HOGA1: variants seen among roughly 807,000 people sequenced by gnomAD.
HOGA1 encodes the protein 4-hydroxy-2-oxoglutarate aldolase 1.
In HOGA1, 30 loss-of-function variants were observed where a neutral mutation model predicts 34.3. The ratio of observed to expected loss-of-function variants is 0.87; its 90% confidence interval spans 0.65 to 1.19. The LOEUF (loss-of-function observed/expected upper bound fraction) is 1.19, where lower values mean the gene tolerates loss of function less well. Among genes scored for constraint, HOGA1 ranks in the 50% most tolerant of loss-of-function variants. HOGA1 has a pLI of 0.00. For synonymous variants in HOGA1, 161 were observed against 174.0 expected (o/e 0.93, Z 0.59); for missense variants, 417 against 436.5 (o/e 0.96, Z 0.40).
chr10:97,588,278 A>G (rs1157348541), intron 1 of HOGA1, among the ~76,000 whole-genome samples: 3 of 149,348 alleles, frequency 2.0e-5, no homozygotes, highest in Non-Finnish European at 4.4e-5. Flanking sequence ...GCTTACTGCA[A>G]GCTCTGCCTT....
chr10:97,589,018 T>TG (rs1299835039), intron 1 of HOGA1, among the ~76,000 whole-genome samples: 2 of 151,986 alleles, frequency 1.3e-5, no homozygotes, highest in African/African-American at 2.4e-5. Context: ...TGCCTATTTA[T>TG]GGGGGGGCAA....
chr10:97,605,749 A>G (rs2041152326), intron 6 of HOGA1, among the ~76,000 whole-genome samples: 2 of 152,086 alleles, frequency 1.3e-5, no homozygotes, highest in East Asian at 1.9e-4. Context: ...TCAGTCAACT[A>G]TCTATATTTC....
chr10:97,611,608 C>T lies in HOGA1; in HGVS notation c.933C>T (p.Pro311=), dbSNP rs561984280. The change falls in exon 7 of 7, where the codon CCC becomes CCT. Residue 311 remains proline, a synonymous_variant. Transcript: ENST00000370646. ...GCGCCCCCTTGCAGGAGCTGAGCCCCGCTGAGGAGGAGGCACTGCGCATGG... is the reference window on the plus strand; with the variant it reads ...GCGCCCCCTTGCAGGAGCTGAGCCCTGCTGAGGAGGAGGCACTGCGCATGG... ...PCRAPLQELS[P]AEEEALRMDF... 17 of 1,614,160 alleles carry T rather than the reference C, an allele frequency of 1.1e-5. No homozygotes were observed. Among genetic ancestry groups the T allele is most frequent in the Middle Eastern group, 1.6e-4 (1 of 6,062 alleles).
chr10:97,602,739 G>A, intron 6 of HOGA1: 1 of 365,002 alleles, frequency 2.7e-6, no homozygotes. Flanking sequence ...AGGCTGGAGT[G>A]CAGCAATCTC....
Position 97,584,524 on chromosome 10 carries a change from C to A in HOGA1, c.-180C>A, listed in dbSNP as rs1373929533. 8.1e-6 allele frequency: 5 copies of A among 614,094 alleles called. No individual in the cohort carries two copies. The highest frequency in any genetic ancestry group is 1.4e-5 in the Non-Finnish European group (5 of 347,442). 38.0% of individuals were successfully genotyped at this position (614,094 alleles called of 1,614,324 possible). On this transcript the variant is annotated 5_prime_UTR_variant, in exon 1 of 7. Coordinates refer to ENST00000370646, the MANE Select transcript of HOGA1 (RefSeq NM_138413.4). ...CCAGAAGGAACAGGGCCCCCTGGGG[C>A]CTATAGGCCTTGCCCCTGACCCTGG...
At chr10:97,591,858 T>TGA (rs1554873406) in intron 1 of HOGA1, among the ~76,000 whole-genome samples, 5 of 147,356 alleles carry the variant, frequency 3.4e-5, no homozygotes, top group African/African-American at 1.0e-4. Flanking sequence ...TGTGTGTGTG[T>TGA]GACAGAGTCT....
rs778377512 is a variant in HOGA1 at position 97,600,129 on chromosome 10, A to G, written c.666A>G (p.Gly222=). ...TRKQDFQVLA[G]SAGFLMASYA... ...AGCAGGATTTTCAGGTGTTGGCTGGATCGGCTGGCTTTCTGATGGCCAGCT... is the reference window on the plus strand; with the variant it reads ...AGCAGGATTTTCAGGTGTTGGCTGGGTCGGCTGGCTTTCTGATGGCCAGCT... Residue 222 remains glycine, a synonymous_variant, in exon 5 of 7, where the codon GGA becomes GGG. Coordinates refer to ENST00000370646, the MANE Select transcript of HOGA1 (RefSeq NM_138413.4). 1.9e-6 allele frequency: 3 copies of G among 1,614,180 alleles called. No homozygotes were observed. The highest frequency in any genetic ancestry group is 2.2e-5 in the East Asian group (1 of 44,882).
In HOGA1 at chr10:97,611,516, C is replaced by G; in HGVS notation, c.841C>G (p.Arg281Gly). The G allele has an allele frequency of 6.2e-7, 1 of 1,614,174 alleles. No homozygotes were observed. The highest frequency in any genetic ancestry group is 8.5e-7 in the Non-Finnish European group (1 of 1,180,024). ...AACAGGCCCTGCTTTGCAGGTGACCCGGCGCTTTGGGATCCCAGGGCTGAA... is the reference window on the plus strand; with the variant it reads ...AACAGGCCCTGCTTTGCAGGTGACCGGGCGCTTTGGGATCCCAGGGCTGAA... ...RLIEPNAAVT[R>G]RFGIPGLKKI... is the part of the protein sequence containing the mutation. Residue 281 changes from arginine (R) to glycine (G), a missense_variant, in exon 7 of 7, where the codon CGG becomes GGG. Arg to Gly is a moderately radical substitution (Grantham distance 125, BLOSUM62 -2). Coordinates refer to ENST00000370646, the MANE Select transcript of HOGA1 (RefSeq NM_138413.4).
rs1198623422 is a variant in HOGA1 at position 97,603,156 on chromosome 10, C to T, written c.834+1166C>T. Among the ~76,000 whole-genome samples the T allele has an allele frequency of 6.6e-6, 1 of 152,178 alleles. No homozygotes were observed. Among genetic ancestry groups the T allele is most frequent in the African/African-American group, 2.4e-5 (1 of 41,446 alleles). On this transcript the variant is annotated intron_variant, in intron 6 of 6. Transcript: ENST00000370646. This position sits in a 1 kb window ranked among gnomAD's most constrained non-coding sequence, Gnocchi z 4.5. Reference sequence around the variant, plus strand: ...AGCTGGGATTACAGGCACGTGCCACCATACCCGGATAATTTTTTTGTATTT... The same window carrying T: ...AGCTGGGATTACAGGCACGTGCCACTATACCCGGATAATTTTTTTGTATTT...
chr10:97,602,027 G>GGT, intron 6 of HOGA1, 37 bp downstream of exon 6: 1 of 1,589,164 alleles, frequency 6.3e-7, no homozygotes, highest in East Asian at 2.3e-5. Context: ...CCTGGCGGGG[G>GGT]GTGGGCAGTC....
In HOGA1 at chr10:97,590,711, T is replaced by G; in HGVS notation, c.211+5797T>G. ...TGAGATGCTGTGCCCAAATCCCTAC[T>G]TTCTTAGGCTCCTCACGGGGATTAT... On this transcript the variant is annotated intron_variant, in intron 1 of 6. Transcript: ENST00000370646. 2.7e-6 allele frequency: 2 copies of G among 747,338 alleles called. 1 individual carries two copies. Among genetic ancestry groups the G allele is most frequent in the Non-Finnish European group, 4.4e-6 (2 of 454,134 alleles). 46.3% of individuals were successfully genotyped at this position (747,338 alleles called of 1,614,324 possible). A position where few individuals can be genotyped will look rare whatever the true frequency, so the allele number is the denominator to read the frequency against.
intron 1 of HOGA1, among the ~76,000 whole-genome samples, chr10:97,587,232 G>A (rs2040977705): frequency 2.0e-5 from 3 of 152,138 alleles, no homozygotes; most frequent in Non-Finnish European, 2.9e-5. Context: ...CCAACACTCA[G>A]GCTGAGGAGG....
At chr10:97,593,018 AGACTCTGTCT>A (rs2041038944) in intron 1 of HOGA1, among the ~76,000 whole-genome samples, 1 of 133,584 alleles carries the variant, frequency 7.5e-6, no homozygotes, top group African/African-American at 3.1e-5. Context: ...CGACAGAGTG[AGACTCTGTCT>A]CAAAAAAAAA....
chr10:97,593,948 A>T (rs1589905165), intron 1 of HOGA1, among the ~76,000 whole-genome samples: 1 of 152,132 alleles, frequency 6.6e-6, no homozygotes, highest in East Asian at 1.9e-4. Context: ...GGCTCACTGT[A>T]ACCTCTGCCT....
At position 97,611,586 on chromosome 10, in the gene HOGA1, C is replaced by T. The variant is rs757466556; in HGVS notation, c.911C>T (p.Ala304Val). ...GGCTACTATGGAGGCCCCTGCCGCG[C>T]CCCCTTGCAGGAGCTGAGCCCCGCT... ...WFGYYGGPCR[A>V]PLQELSPAEE... The change falls in exon 7 of 7, where the codon GCC becomes GTC. Residue 304 changes from alanine (A) to valine (V), a missense_variant. Physicochemically the swap from Ala to Val is moderately conservative, Grantham distance 64. Coordinates refer to ENST00000370646, the MANE Select transcript of HOGA1 (RefSeq NM_138413.4). 1.9e-6 allele frequency: 3 copies of T among 1,614,192 alleles called. No individual in the cohort carries two copies. Among genetic ancestry groups the T allele is most frequent in the Non-Finnish European group, 2.5e-6 (3 of 1,180,024 alleles).
intron 6 of HOGA1, chr10:97,602,268 A>G (rs2041125094): frequency 2.1e-6 from 3 of 1,414,454 alleles, no homozygotes; most frequent in Non-Finnish European, 9.4e-7. Context: ...ATGCATTGAA[A>G]CAAACATCCT....
chr10:97,599,550 G>A, intron 3 of HOGA1, 130 bp from the exon 4 acceptor site: 1 of 1,177,346 alleles, frequency 8.5e-7, no homozygotes, highest in Non-Finnish European at 1.3e-6. Context: ...GGGGCACGTA[G>A]CATGGGAGGG....
intron 1 of HOGA1, among the ~76,000 whole-genome samples, chr10:97,589,534 C>T (rs1589902007): frequency 6.6e-6 from 1 of 151,968 alleles, no homozygotes; most frequent in East Asian, 1.9e-4. Flanking sequence ...AGCCTGGGGA[C>T]AGCTGTCAGG....
chr10:97,591,789 T>C (rs2041025706), intron 1 of HOGA1, among the ~76,000 whole-genome samples: 1 of 135,588 alleles, frequency 7.4e-6, no homozygotes, highest in Non-Finnish European at 1.6e-5. Flanking sequence ...CACACCTGGC[T>C]AATTTTTTTT....
Sources: allele counts gnomAD v4.1 joint callset (sites outside exome capture counted in the v4.1 genomes callset), GRCh38; gene constraint gnomAD v4.1.1; non-coding constraint Gnocchi (gnomAD v3.1); transcripts MANE v1.5; gene names NCBI Gene and HGNC (gene_info 2026-07-23, HGNC 2026-07-21).